WWOX: variants seen among roughly 807,000 people sequenced by gnomAD.
WWOX encodes the protein WW domain containing oxidoreductase, also known as WW domain-containing oxidoreductase.
A neutral mutation model predicts 46.2 loss-of-function variants in WWOX; 69 were observed. The observed-to-expected ratio is 1.49, with a 90% CI of 1.23 to 1.82. The LOEUF (loss-of-function observed/expected upper bound fraction) is 1.82. Ranked by LOEUF, WWOX falls within the 40% of genes most tolerant of loss-of-function variation. WWOX has a pLI of 0.00. For missense variants in WWOX, 919 were observed against 542.6 expected (o/e 1.69, Z -6.89); for synonymous variants, 359 against 202.6 (o/e 1.77, Z -6.56).
At chr16:78,732,954 C>T (rs970747288) in intron 8 of WWOX, among the ~76,000 whole-genome samples, 7 of 152,126 alleles carry the variant, frequency 4.6e-5, no homozygotes, top group Admixed American at 1.3e-4. Flanking sequence ...TTACTGAGCT[C>T]GAGTGGATGG....
intron 8 of WWOX, among the ~76,000 whole-genome samples, chr16:78,657,486 G>T (rs1471821281): frequency 6.6e-6 from 1 of 152,186 alleles, no homozygotes; most frequent in African/African-American, 2.4e-5. Flanking sequence ...TACGATGCAT[G>T]CTGGGGTCAG....
At chr16:78,707,971 A>G (rs895533796) in intron 8 of WWOX, among the ~76,000 whole-genome samples, 1 of 152,228 alleles carries the variant, frequency 6.6e-6, no homozygotes, top group East Asian at 1.9e-4. Flanking sequence ...TGGAATAGTA[A>G]ATAACACTTG....
chr16:78,200,225 G>A (rs2036189857), intron 5 of WWOX, among the ~76,000 whole-genome samples: 2 of 151,966 alleles, frequency 1.3e-5, no homozygotes, highest in Non-Finnish European at 2.9e-5. Flanking sequence ...CACGTAGTAG[G>A]CAGCTTAAAA....
At chr16:78,778,393 C>G (rs2050244155) in intron 8 of WWOX, among the ~76,000 whole-genome samples, 2 of 152,178 alleles carry the variant, frequency 1.3e-5, no homozygotes, top group Admixed American at 6.5e-5. Context: ...AGACCACAAA[C>G]TAATAAATAT....
chr16:78,949,120 A>G lies in WWOX; in HGVS notation c.1057-262488A>G, dbSNP rs143889448. ...ACGGGGACCTCAGTTCTGCAACTGC[A>G]TGGAGCTGAATTCTGCCAATAACCT... On this transcript the variant is annotated intron_variant, in intron 8 of 8. Transcript: ENST00000566780. Among the ~76,000 whole-genome samples, 585 of 152,272 alleles carry G rather than the reference A, an allele frequency of 3.8e-3. 2 individuals are homozygous for G. The highest frequency in any genetic ancestry group is 0.013 in the African/African-American group (559 of 41,574).
At chr16:79,126,813 C>T (rs1164509643) in intron 8 of WWOX, among the ~76,000 whole-genome samples, 1 of 152,022 alleles carries the variant, frequency 6.6e-6, no homozygotes, top group Non-Finnish European at 1.5e-5. Context: ...ACTGGATGTC[C>T]TATAGGACAT....
chr16:78,830,099 T>G (rs892988044), intron 8 of WWOX, among the ~76,000 whole-genome samples: 1 of 151,850 alleles, frequency 6.6e-6, no homozygotes, highest in Non-Finnish European at 1.5e-5. Context: ...GACCCTCATC[T>G]CTATAAAAAA....
At chr16:78,545,405 A>G (rs1484189236) in intron 8 of WWOX, among the ~76,000 whole-genome samples, 1 of 152,066 alleles carries the variant, frequency 6.6e-6, no homozygotes, top group Admixed American at 6.6e-5. Flanking sequence ...TTTTAAAGAG[A>G]TGGGATTTCA....
intron 8 of WWOX, among the ~76,000 whole-genome samples, chr16:79,144,218 T>C (rs9925100): frequency 0.41 from 61,753 of 152,014 alleles, 13,151 homozygotes; most frequent in African/African-American, 0.54. Context: ...CTTTTTCACT[T>C]CAGCACACCA....
At chr16:78,568,301 A>G (rs889273045) in intron 8 of WWOX, among the ~76,000 whole-genome samples, 3 of 151,966 alleles carry the variant, frequency 2.0e-5, no homozygotes, top group African/African-American at 7.3e-5. Flanking sequence ...CCTACTTATC[A>G]TTACTTTGTC....
chr16:78,258,923 C>A (rs1430089422), intron 5 of WWOX, among the ~76,000 whole-genome samples: 1 of 152,156 alleles, frequency 6.6e-6, no homozygotes, highest in African/African-American at 2.4e-5. Context: ...TCCCTGCCTG[C>A]TTTAAACATG....
At chr16:78,911,595 G>A (rs2045113328) in intron 8 of WWOX, among the ~76,000 whole-genome samples, 2 of 152,084 alleles carry the variant, frequency 1.3e-5, no homozygotes, top group African/African-American at 4.8e-5. Flanking sequence ...GCCGGGCACA[G>A]TGGCTCACAC....
At chr16:78,596,761 T>G (rs2151610764) in intron 8 of WWOX, among the ~76,000 whole-genome samples, 1 of 152,162 alleles carries the variant, frequency 6.6e-6, no homozygotes, top group Non-Finnish European at 1.5e-5. Flanking sequence ...GGGTGCATGG[T>G]GAGTACACAG....
At chr16:78,543,906 A>G (rs559253003) in intron 8 of WWOX, among the ~76,000 whole-genome samples, 3 of 152,302 alleles carry the variant, frequency 2.0e-5, no homozygotes, top group Admixed American at 1.3e-4. Context: ...TTAATCATCA[A>G]TAAACTAACA....
chr16:78,815,857 C>T (rs1238844661), intron 8 of WWOX, among the ~76,000 whole-genome samples: 3 of 152,116 alleles, frequency 2.0e-5, no homozygotes, highest in South Asian at 2.1e-4. Context: ...GCTCTGTCTG[C>T]CCAAATATAA....
chr16:78,448,098 C>T (rs529602320), intron 8 of WWOX, among the ~76,000 whole-genome samples: 5 of 152,280 alleles, frequency 3.3e-5, no homozygotes, highest in Admixed American at 2.6e-4. Context: ...ACCACTGCTT[C>T]TGGCCTAGAA....
At chr16:78,540,479 A>ATG (rs2151526190) in intron 8 of WWOX, among the ~76,000 whole-genome samples, 1 of 152,232 alleles carries the variant, frequency 6.6e-6, no homozygotes, top group Non-Finnish European at 1.5e-5. Context: ...GAAATCATTG[A>ATG]TGTGGGGTAA....
intron 8 of WWOX, among the ~76,000 whole-genome samples, chr16:78,764,665 C>A (rs1322102049): frequency 1.3e-4 from 20 of 149,374 alleles, no homozygotes; most frequent in Non-Finnish European, 4.4e-5. Flanking sequence ...ATAACCAAGA[C>A]AAGTGGCAGT....
At chr16:79,079,051 A>G (rs2048712325) in intron 8 of WWOX, among the ~76,000 whole-genome samples, 1 of 152,214 alleles carries the variant, frequency 6.6e-6, no homozygotes, top group Non-Finnish European at 1.5e-5. Context: ...TAACTGCTAT[A>G]ACAACTTTAC....
Sources: gnomAD v4.1 joint callset for allele counts (sites outside exome capture counted in the v4.1 genomes callset) on GRCh38, gnomAD v4.1.1 for gene constraint, MANE v1.5 for transcripts, NCBI Gene and HGNC (gene_info 2026-07-23, HGNC 2026-07-21) for gene names.